Variants in PPM1E observed in about 807,000 individuals in gnomAD.
PPM1E encodes protein phosphatase, Mg2+/Mn2+ dependent 1E, also known as protein phosphatase 1E.
Under a neutral mutation model 65.9 loss-of-function variants are expected in PPM1E, and 20 were observed. That is an observed-to-expected ratio of 0.30 (90% CI 0.21 to 0.44). The LOEUF (loss-of-function observed/expected upper bound fraction) is 0.44, where lower values mean the gene tolerates loss of function less well. PPM1E is among the 20% of genes least tolerant of loss of function. The pLI is 1.00. For missense variants in PPM1E, 713 were observed against 953.1 expected, an observed-to-expected ratio of 0.75 and a Z score of 3.32; for synonymous variants, 352 against 374.9, an observed-to-expected ratio of 0.94 and a Z score of 0.70.
At chr17:58,796,903 T>A (rs1215902716) in intron 1 of PPM1E, among the ~76,000 whole-genome samples, 1 of 152,052 alleles carries the variant, frequency 6.6e-6, no homozygotes, top group Admixed American at 6.6e-5. Context: ...GTCAGGGGTT[T>A]GAGACCAGCC....
At chr17:58,866,235 G>T (rs1040195452) in intron 1 of PPM1E, among the ~76,000 whole-genome samples, 3 of 152,190 alleles carry the variant, frequency 2.0e-5, no homozygotes, top group Non-Finnish European at 4.4e-5. Flanking sequence ...AAGAAAGCAT[G>T]CAGTTTATAG....
At chr17:58,802,414 A>G (rs987027048) in intron 1 of PPM1E, among the ~76,000 whole-genome samples, 3 of 152,150 alleles carry the variant, frequency 2.0e-5, no homozygotes, top group African/African-American at 7.2e-5. Context: ...TGCCAGTGCC[A>G]TACTGCTTTG....
chr17:58,857,448 G>T (rs2050895071), intron 1 of PPM1E, among the ~76,000 whole-genome samples: 1 of 152,006 alleles, frequency 6.6e-6, no homozygotes, highest in South Asian at 2.1e-4. Flanking sequence ...TTGCTTAGTT[G>T]ACTGATCTTG....
At position 58,980,349 on chromosome 17, in the gene PPM1E, G is replaced by A; in HGVS notation, c.1586G>A (p.Trp529Ter). ...KENHGECKRP[W>*]PQHQCSAPAD... ...AATCATGGAGAGTGCAAACGCCCTTGGCCTCAGCACCAGTGCTCAGCACCA... is the reference window on the plus strand; with the variant it reads ...AATCATGGAGAGTGCAAACGCCCTTAGCCTCAGCACCAGTGCTCAGCACCA... Residue 529 changes from tryptophan to a stop codon, truncating the protein, a stop_gained, in exon 7 of 7, where the codon TGG becomes TAG. Transcript: ENST00000308249. LOFTEE classifies it high-confidence loss of function. This position sits in a 1 kb window ranked among gnomAD's most constrained non-coding sequence, Gnocchi z 4.7. 6.2e-7 allele frequency: 1 copy of A among 1,614,098 alleles called. No homozygotes were observed. Among genetic ancestry groups the A allele is most frequent in the Non-Finnish European group, 8.5e-7 (1 of 1,180,022 alleles).
intron 1 of PPM1E, among the ~76,000 whole-genome samples, chr17:58,851,297 C>T (rs930809506): frequency 1.3e-5 from 2 of 152,160 alleles, no homozygotes; most frequent in Non-Finnish European, 2.9e-5. Flanking sequence ...AGTCATTCTC[C>T]GTCCAGCTTT....
At chr17:58,872,524 A>C (rs954314837) in intron 1 of PPM1E, among the ~76,000 whole-genome samples, 9 of 152,170 alleles carry the variant, frequency 5.9e-5, no homozygotes, top group Non-Finnish European at 1.2e-4. Flanking sequence ...CAAAATGTCA[A>C]CCTTAAATAA....
intron 1 of PPM1E, among the ~76,000 whole-genome samples, chr17:58,955,204 A>C (rs2029868088): frequency 6.6e-6 from 1 of 152,154 alleles, no homozygotes; most frequent in Admixed American, 6.5e-5. Flanking sequence ...GTCTCTACTA[A>C]AAATACAAAA....
intron 1 of PPM1E, among the ~76,000 whole-genome samples, chr17:58,931,108 C>T (rs888424414): frequency 1.0e-4 from 15 of 149,370 alleles, no homozygotes; most frequent in East Asian, 2.0e-4. Context: ...AGAAAAAAGC[C>T]GGGCGCGGTG....
intron 1 of PPM1E, among the ~76,000 whole-genome samples, chr17:58,913,703 A>T (rs1049456727): frequency 6.6e-6 from 1 of 152,162 alleles, no homozygotes; most frequent in East Asian, 1.9e-4. Context: ...TTGTCTTCTT[A>T]CTGTCTTCAC....
chr17:58,867,985 T>C (rs2051024552), intron 1 of PPM1E, among the ~76,000 whole-genome samples: 3 of 152,260 alleles, frequency 2.0e-5, no homozygotes, highest in African/African-American at 7.2e-5. Context: ...AATAAGACTC[T>C]GTAAGAAGGT....
At chr17:58,840,269 G>A (rs1475576080) in intron 1 of PPM1E, among the ~76,000 whole-genome samples, 1 of 152,170 alleles carries the variant, frequency 6.6e-6, no homozygotes, top group Non-Finnish European at 1.5e-5. Flanking sequence ...TGGTCATATA[G>A]ACATGATTGA....
chr17:58,854,299 GTA>G (rs2050858742), intron 1 of PPM1E, among the ~76,000 whole-genome samples: 1 of 152,172 alleles, frequency 6.6e-6, no homozygotes, highest in African/African-American at 2.4e-5. Context: ...AGGTGTGTGT[GTA>G]TGTGTGTGTT....
chr17:58,971,582 G>A (rs554616618), intron 4 of PPM1E, among the ~76,000 whole-genome samples: 1 of 152,176 alleles, frequency 6.6e-6, no homozygotes, highest in South Asian at 2.1e-4. Flanking sequence ...AAGCATCTTA[G>A]TACTCCAGGG....
chr17:58,916,097 A>C (rs2051680174), intron 1 of PPM1E, among the ~76,000 whole-genome samples: 1 of 152,218 alleles, frequency 6.6e-6, no homozygotes, highest in African/African-American at 2.4e-5. Flanking sequence ...CTCTCACCTC[A>C]GCCTCCCAAG....
chr17:58,806,000 C>CAAAAA (rs398079071), intron 1 of PPM1E, among the ~76,000 whole-genome samples: 2 of 69,684 alleles, frequency 2.9e-5, no homozygotes, highest in Admixed American at 1.4e-4. Flanking sequence ...CAAAACAAAA[C>CAAAAA]AAAAAAAAAA....
intron 1 of PPM1E, among the ~76,000 whole-genome samples, chr17:58,848,438 A>T (rs952727387): frequency 1.1e-4 from 16 of 152,126 alleles, no homozygotes; most frequent in Admixed American, 9.2e-4. Flanking sequence ...TTATTTTTAG[A>T]TACATCCCAT....
chr17:58,781,915 G>C (rs956023781), intron 1 of PPM1E, among the ~76,000 whole-genome samples: 3 of 151,952 alleles, frequency 2.0e-5, no homozygotes, highest in Non-Finnish European at 4.4e-5. Context: ...ATAAAATGCA[G>C]TGATTTTTTC....
intron 1 of PPM1E, among the ~76,000 whole-genome samples, chr17:58,930,976 G>C (rs1178742679): frequency 6.6e-6 from 1 of 151,426 alleles, no homozygotes; most frequent in Admixed American, 6.6e-5. Flanking sequence ...CACTTTGGGA[G>C]GCTGAGGTGG....
intron 1 of PPM1E, among the ~76,000 whole-genome samples, chr17:58,819,257 T>C (rs925521876): frequency 6.6e-6 from 1 of 152,202 alleles, no homozygotes; most frequent in African/African-American, 2.4e-5. Context: ...GTGATTCTCC[T>C]GCCTAAGCCT....
Sources: allele counts gnomAD v4.1 joint callset (sites outside exome capture counted in the v4.1 genomes callset), GRCh38; gene constraint gnomAD v4.1.1; non-coding constraint Gnocchi (gnomAD v3.1); transcripts MANE v1.5; gene names NCBI Gene and HGNC (gene_info 2026-07-23, HGNC 2026-07-21).